Variants in SRPX observed in about 807,000 individuals in gnomAD.
SRPX encodes sushi repeat-containing protein SRPX.
A neutral mutation model predicts 38.1 loss-of-function variants in SRPX; 24 were observed. The observed-to-expected ratio is 0.63, with a 90% CI of 0.46 to 0.89. The LOEUF (loss-of-function observed/expected upper bound fraction) is 0.89, where lower values mean the gene tolerates loss of function less well. Ranked by LOEUF, SRPX falls within the 40% of genes least tolerant of loss-of-function variation. SRPX has a pLI of 0.00. For missense variants in SRPX, 416 were observed against 377.8 expected (o/e 1.10, Z -0.84); for synonymous variants, 184 against 153.8 (o/e 1.20, Z -1.45).
intron 5 of SRPX, among the ~76,000 whole-genome samples, chrX:38,161,523 C>G (rs750543412): frequency 9.0e-6 from 1 of 111,271 alleles, no homozygotes; most frequent in African/African-American, 3.3e-5. Context: ...TTTCTCTGTT[C>G]TTTCTGTCTG....
intron 4 of SRPX, among the ~76,000 whole-genome samples, chrX:38,169,928 G>T (rs1185579396): frequency 1.8e-5 from 2 of 111,869 alleles, no homozygotes; most frequent in Non-Finnish European, 3.8e-5. Flanking sequence ...TACATTCTAA[G>T]GTTTATTTTC....
chrX:38,207,101 TA>T, intron 1 of SRPX, among the ~76,000 whole-genome samples: 1 of 112,044 alleles, frequency 8.9e-6, no homozygotes, highest in South Asian at 3.8e-4. Context: ...TGTCTTTCAT[TA>T]GCAAAGACAA....
chrX:38,205,104 CG>C (rs1939185694), intron 1 of SRPX, among the ~76,000 whole-genome samples: 2 of 112,238 alleles, frequency 1.8e-5, no homozygotes, highest in Non-Finnish European at 3.8e-5. Context: ...TAGCAATTTG[CG>C]GGTGTCTGTC....
Position 38,195,380 on chromosome X carries a change from T to C in SRPX, c.98-17036A>G, listed in dbSNP as rs1466902687. On this transcript the variant is annotated intron_variant, in intron 1 of 9. Coordinates refer to ENST00000378533, the MANE Select transcript of SRPX (RefSeq NM_006307.5). ...ACTGGCTGGTAAGTAGAGGTGTTTG[T>C]GGTTTTTTTTTTTTTTTTTTTACCA... Among the ~76,000 whole-genome samples the C allele has an allele frequency of 1.2e-4, 10 of 84,775 alleles. No individual in the cohort carries two copies. The Admixed American group carries it at 1.2e-3, about 10-fold the overall frequency. The allele number at this position is 84,775 out of a possible 115,157, so 73.6% of individuals were successfully genotyped here. A position where few individuals can be genotyped will look rare whatever the true frequency, so the allele number is the denominator to read the frequency against.
At chrX:38,155,080 C>T (rs928507066) in intron 8 of SRPX, among the ~76,000 whole-genome samples, 12 of 109,770 alleles carry the variant, frequency 1.1e-4, no homozygotes, top group Non-Finnish European at 2.3e-4. Flanking sequence ...GGGAATGTGG[C>T]CCAGTCAACC....
chrX:38,152,846 C>T (rs1938042442), intron 9 of SRPX, among the ~76,000 whole-genome samples: 1 of 112,124 alleles, frequency 8.9e-6, no homozygotes, highest in African/African-American at 3.2e-5. Flanking sequence ...AGGATATGAG[C>T]AAGTAGTTCT....
At chrX:38,169,210 T>C (rs1938421116) in intron 4 of SRPX, among the ~76,000 whole-genome samples, 1 of 112,468 alleles carries the variant, frequency 8.9e-6, no homozygotes, top group Non-Finnish European at 1.9e-5. Flanking sequence ...AGAATGTGTA[T>C]TTGTCAACCC....
At chrX:38,156,551 T>C (rs757779546) in intron 8 of SRPX, among the ~76,000 whole-genome samples, 2 of 111,420 alleles carry the variant, frequency 1.8e-5, no homozygotes, top group African/African-American at 6.5e-5. Context: ...TGGGGAAAAA[T>C]GTGGGCAGGC....
At chrX:38,176,690 G>A (rs1349314514) in intron 2 of SRPX, among the ~76,000 whole-genome samples, 1 of 111,665 alleles carries the variant, frequency 9.0e-6, no homozygotes, top group East Asian at 2.8e-4. Flanking sequence ...CTACCTGGGA[G>A]GCTAAGATAG....
intron 1 of SRPX, among the ~76,000 whole-genome samples, chrX:38,205,276 T>C (rs965366571): frequency 3.6e-5 from 4 of 112,279 alleles, no homozygotes; most frequent in African/African-American, 1.3e-4. Flanking sequence ...TTGTTCACAG[T>C]TGGCAGACGA....
At chrX:38,170,431 C>A (rs1327256323) in intron 4 of SRPX, among the ~76,000 whole-genome samples, 1 of 112,266 alleles carries the variant, frequency 8.9e-6, no homozygotes, top group Non-Finnish European at 1.9e-5. Flanking sequence ...GTAAAATTCA[C>A]TGGGGACAAA....
chrX:38,187,904 T>C (rs1393048531), intron 1 of SRPX, among the ~76,000 whole-genome samples: 1 of 112,276 alleles, frequency 8.9e-6, no homozygotes, highest in Non-Finnish European at 1.9e-5. Context: ...CTGTTATATC[T>C]TGGCAAAGTT....
At chrX:38,215,414 G>A (rs1407314793) in intron 1 of SRPX, among the ~76,000 whole-genome samples, 1 of 111,522 alleles carries the variant, frequency 9.0e-6, no homozygotes, top group Non-Finnish European at 1.9e-5. Context: ...TGCTACCAAG[G>A]ACTTTTCTCT....
rs1569204070 is a variant in SRPX at position 38,160,136 on chromosome X, CCGT to C, written c.833_835del (p.Asp278del). 1 of 1,211,921 alleles carries C rather than the reference CCGT, an allele frequency of 8.3e-7. No homozygotes were observed. Among genetic ancestry groups the C allele is most frequent in the African/African-American group, 1.7e-5 (1 of 57,885 alleles). On this transcript the variant is annotated inframe_deletion, in exon 7 of 10. Transcript: ENST00000378533. ...CTCACAGGTGGCTCCATAATTATCA[CCGT>C]CGCTGGAGCACTTCATGTAACCATT...
At chrX:38,178,408 A>G in intron 1 of SRPX, 64 bp from the exon 2 acceptor site, 1 of 1,007,796 alleles carries the variant, frequency 9.9e-7, no homozygotes, top group Non-Finnish European at 1.4e-6. Context: ...CATATTTCAA[A>G]GCATTCCTTT....
chrX:38,155,432 AGTT>A (rs778226665), intron 8 of SRPX, among the ~76,000 whole-genome samples: 31 of 112,183 alleles, frequency 2.8e-4, no homozygotes, highest in Admixed American at 2.5e-3. Context: ...TTATCCAACC[AGTT>A]GTTAAGTTAG....
intron 1 of SRPX, among the ~76,000 whole-genome samples, chrX:38,183,273 C>T (rs943296600): frequency 4.5e-5 from 5 of 111,377 alleles, no homozygotes; most frequent in African/African-American, 1.6e-4. Flanking sequence ...AGGCTGGTCT[C>T]GAACTAGTGA....
At chrX:38,208,377 G>C (rs901203646) in intron 1 of SRPX, among the ~76,000 whole-genome samples, 2 of 111,848 alleles carry the variant, frequency 1.8e-5, no homozygotes, top group South Asian at 3.8e-4. Context: ...CCATGGACTA[G>C]TTTTGCACAT....
At chrX:38,159,040 T>A (rs1938189222) in intron 7 of SRPX, among the ~76,000 whole-genome samples, 1 of 111,841 alleles carries the variant, frequency 8.9e-6, no homozygotes, top group Admixed American at 9.5e-5. Context: ...TGATTTTATG[T>A]TTTATCTAAC....
Sources: gnomAD v4.1 joint callset for allele counts (sites outside exome capture counted in the v4.1 genomes callset) on GRCh38, gnomAD v4.1.1 for gene constraint, MANE v1.5 for transcripts, NCBI Gene and HGNC (gene_info 2026-07-23, HGNC 2026-07-21) for gene names.